FOXN3: variants seen among roughly 807,000 people sequenced by gnomAD.
FOXN3 encodes forkhead box protein N3.
FOXN3 carries 7 observed loss-of-function variants against 38.4 expected under a neutral mutation model. That is an observed-to-expected ratio of 0.18 (90% CI 0.10 to 0.34). The LOEUF is 0.34. Among genes scored for constraint, FOXN3 ranks in the 10% least tolerant of loss-of-function variants. The pLI is 1.00. For synonymous variants in FOXN3, 230 were observed against 242.2 expected (o/e 0.95, Z 0.47); for missense variants, 456 against 613.4 (o/e 0.74, Z 2.71).
intron 4 of FOXN3, among the ~76,000 whole-genome samples, chr14:89,189,949 C>T: frequency 6.6e-6 from 1 of 152,202 alleles, no homozygotes; most frequent in Non-Finnish European, 1.5e-5. Flanking sequence ...TCCAAAATGG[C>T]AGCCTGGCGA....
rs1893410964 is a variant in FOXN3 at position 89,484,776 on chromosome 14, G to A, written c.-14-72286C>T. Reference sequence around the variant, plus strand: ...ACCTGTGTGCAGGAAGGCAGATGGTGTGTGGCCAGGGAGGACCCAACAGGC... The same window carrying A: ...ACCTGTGTGCAGGAAGGCAGATGGTATGTGGCCAGGGAGGACCCAACAGGC... On this transcript the variant is annotated intron_variant, in intron 1 of 6. Coordinates refer to the FOXN3 transcript ENST00000345097. The surrounding 1 kb of genome is among the most constrained non-coding windows in gnomAD (Gnocchi z 4.0). Among the ~76,000 whole-genome samples the A allele has an allele frequency of 6.6e-6, 1 of 152,228 alleles. No individual in the cohort carries two copies. The highest frequency in any genetic ancestry group is 6.5e-5 in the Admixed American group (1 of 15,290).
At chr14:89,255,141 T>C (rs898467709) in intron 4 of FOXN3, among the ~76,000 whole-genome samples, 1 of 152,214 alleles carries the variant, frequency 6.6e-6, no homozygotes, top group Non-Finnish European at 1.5e-5. Context: ...CTTCTTCTGA[T>C]GAAGGGCGAG....
intron 4 of FOXN3, among the ~76,000 whole-genome samples, chr14:89,279,983 G>A (rs1027706735): frequency 1.2e-4 from 18 of 152,152 alleles, no homozygotes. Context: ...CTAAGGGAAA[G>A]AGGCTAAACA....
intron 1 of FOXN3, among the ~76,000 whole-genome samples, chr14:89,609,586 A>G (rs1219032105): frequency 6.6e-6 from 1 of 152,054 alleles, no homozygotes; most frequent in Middle Eastern, 3.2e-3. Flanking sequence ...CACATTACAG[A>G]GTTTTATTTC....
At chr14:89,238,569 C>A (rs1332580852) in intron 4 of FOXN3, among the ~76,000 whole-genome samples, 2 of 152,220 alleles carry the variant, frequency 1.3e-5, no homozygotes. Context: ...ACTAGCCACA[C>A]AGTGGCTTAA....
At chr14:89,170,522 C>G (rs933053450) in intron 5 of FOXN3, among the ~76,000 whole-genome samples, 2 of 152,146 alleles carry the variant, frequency 1.3e-5, no homozygotes, top group African/African-American at 4.8e-5. Flanking sequence ...CGCAATCTCC[C>G]ACCTCAGCCT....
chr14:89,371,341 A>AG (rs1313655167), intron 2 of FOXN3, among the ~76,000 whole-genome samples: 3 of 152,216 alleles, frequency 2.0e-5, no homozygotes, highest in African/African-American at 7.2e-5. Flanking sequence ...AAAGACTATC[A>AG]GAATACAACC....
chr14:89,407,871 C>T (rs1364811678), intron 2 of FOXN3, among the ~76,000 whole-genome samples: 1 of 151,920 alleles, frequency 6.6e-6, no homozygotes, highest in Non-Finnish European at 1.5e-5. Context: ...ACAGCGACAA[C>T]AAAAAAGAAT....
chr14:89,338,271 C>A (rs1888521842), intron 3 of FOXN3, among the ~76,000 whole-genome samples: 1 of 152,164 alleles, frequency 6.6e-6, no homozygotes, highest in Non-Finnish European at 1.5e-5. Flanking sequence ...CATCCCAGAG[C>A]AACTAAAGGA....
intron 1 of FOXN3, among the ~76,000 whole-genome samples, chr14:89,468,954 A>C (rs916356680): frequency 4.6e-5 from 7 of 152,074 alleles, no homozygotes; most frequent in African/African-American, 1.7e-4. Flanking sequence ...CTGCCCATAT[A>C]CCCTGACACA....
chr14:89,586,738 T>C (rs1425015647), intron 1 of FOXN3, among the ~76,000 whole-genome samples: 1 of 152,204 alleles, frequency 6.6e-6, no homozygotes, highest in Non-Finnish European at 1.5e-5. Flanking sequence ...CAGATTCTGG[T>C]ATTCCCTCCC....
intron 1 of FOXN3, among the ~76,000 whole-genome samples, chr14:89,464,757 G>A (rs973994616): frequency 6.6e-6 from 1 of 152,142 alleles, no homozygotes; most frequent in Non-Finnish European, 1.5e-5. Context: ...GGGTACAATG[G>A]CACGATCTCA....
chr14:89,510,236 G>A (rs1894029296), intron 1 of FOXN3, among the ~76,000 whole-genome samples: 1 of 152,174 alleles, frequency 6.6e-6, no homozygotes, highest in Admixed American at 6.5e-5. Context: ...ACTGGGACTG[G>A]AACCCACGCA....
Position 89,362,768 on chromosome 14 carries a change from CCACCACCACCACCACCACCACCAT to C in FOXN3, c.544-11984_544-11961del, listed in dbSNP as rs1451190002. Among the ~76,000 whole-genome samples the C allele has an allele frequency of 1.3e-3, 95 of 75,454 alleles. 7 individuals carry two copies. Among genetic ancestry groups the C allele is most frequent in the African/African-American group, 3.9e-3 (90 of 22,810 alleles). 49.5% of individuals were successfully genotyped at this position (75,454 alleles called of 152,430 possible). ...ATCTCCACCACCACCACCACCACCA[CCACCACCACCACCACCACCACCAT>C]CTCCACCACCACCTCCACCACCACC... On this transcript the variant is annotated intron_variant, in intron 2 of 5. Coordinates refer to ENST00000557258, the MANE Select transcript of FOXN3 (RefSeq NM_005197.4).
At chr14:89,310,511 G>A (rs536850719) in intron 3 of FOXN3, among the ~76,000 whole-genome samples, 17 of 152,258 alleles carry the variant, frequency 1.1e-4, no homozygotes, top group South Asian at 1.0e-3. Context: ...TCTCTCAGTC[G>A]CAAAGACAAC....
intron 4 of FOXN3, among the ~76,000 whole-genome samples, chr14:89,262,816 G>T (rs979343450): frequency 6.6e-6 from 1 of 152,114 alleles, no homozygotes; most frequent in Non-Finnish European, 1.5e-5. Context: ...ATTTACAAAG[G>T]GCTGATGTAT....
At chr14:89,258,403 T>C (rs190597567) in intron 4 of FOXN3, among the ~76,000 whole-genome samples, 6 of 152,286 alleles carry the variant, frequency 3.9e-5, no homozygotes, top group Middle Eastern at 3.4e-3. Context: ...CTGTCACTGA[T>C]AGGGAGATGA....
chr14:89,340,087 G>A (rs930590157), intron 3 of FOXN3, among the ~76,000 whole-genome samples: 1 of 151,814 alleles, frequency 6.6e-6, no homozygotes, highest in South Asian at 2.1e-4. Context: ...AAAGAGAGAG[G>A]AAAGAGAAGA....
At chr14:89,360,367 AGGGAGAAAGG>A (rs1375343548) in intron 2 of FOXN3, among the ~76,000 whole-genome samples, 1 of 134,406 alleles carries the variant, frequency 7.4e-6, no homozygotes, top group Admixed American at 7.5e-5. Flanking sequence ...GGAGGGAGGG[AGGGAGAAAGG>A]GAAAGGGAGG....
Sources: allele counts gnomAD v4.1 joint callset (sites outside exome capture counted in the v4.1 genomes callset), GRCh38; gene constraint gnomAD v4.1.1; non-coding constraint Gnocchi (gnomAD v3.1); transcripts MANE v1.5; gene names NCBI Gene and HGNC (gene_info 2026-07-23, HGNC 2026-07-21).